The following ARL10 variants were observed in gnomAD, a reference collection of about 807,000 sequenced individuals.
ARL10 encodes the protein ADP-ribosylation factor-like protein 10.
ARL10 carries 23 observed loss-of-function variants against 26.1 expected under a neutral mutation model. The ratio of observed to expected loss-of-function variants is 0.88; its 90% CI spans 0.63 to 1.25. The LOEUF (loss-of-function observed/expected upper bound fraction) is 1.25, where lower values mean the gene tolerates loss of function less well. Ranked by LOEUF, ARL10 falls within the 50% of genes most tolerant of loss-of-function variation. The pLI is 0.00. For synonymous variants in ARL10, 138 were observed against 149.1 expected, an observed-to-expected ratio of 0.93 and a Z score of 0.54; for missense variants, 300 against 323.6, an observed-to-expected ratio of 0.93 and a Z score of 0.56.
chr5:176,366,423 A>G lies in ARL10; in HGVS notation c.227A>G (p.Glu76Gly). 6.2e-7 allele frequency: 1 copy of G among 1,612,618 alleles called. No homozygotes were observed. The highest frequency in any genetic ancestry group is 8.5e-7 in the Non-Finnish European group (1 of 1,179,808). The change falls in exon 2 of 4, where the codon GAA becomes GGA. Residue 76 changes from glutamate (E) to glycine (G), a missense_variant. By Grantham distance (98) the Glu-to-Gly change is moderately conservative (BLOSUM62 -2). Coordinates refer to ENST00000310389, the MANE Select transcript of ARL10 (RefSeq NM_173664.6). ...GAGGAGCCGGCGCTGGAGGAGCTGG[A>G]ACAGCGCGAGGTGCTGGTGCTGGGG... The part of the protein sequence containing the change: ...EDEEPALEEL[E>G]QREVLVLGLD...
chr5:176,403,456 TG>T (rs1486448133), downstream of ARL10, among the ~76,000 whole-genome samples: 4 of 144,412 alleles, frequency 2.8e-5, no homozygotes, highest in South Asian at 2.3e-4. Flanking sequence ...TTTTTTGTTT[TG>T]TTTTTTTTCT....
downstream of ARL10, chr5:176,406,748 C>A: frequency 7.9e-7 from 1 of 1,262,308 alleles, no homozygotes; most frequent in Non-Finnish European, 1.0e-6. Flanking sequence ...AAAGCTCTGT[C>A]TGGGATCCTT....
At chr5:176,409,499 C>T in the ARL10 span, among the ~76,000 whole-genome samples, 1 of 149,702 alleles carries the variant, frequency 6.7e-6, no homozygotes, top group Non-Finnish European at 1.5e-5. Flanking sequence ...CTGCAACCTC[C>T]ACCTTCTGGG....
chr5:176,394,852 T>A (rs979630053), intron 1 of ARL10, among the ~76,000 whole-genome samples: 1 of 151,574 alleles, frequency 6.6e-6, no homozygotes, highest in African/African-American at 2.4e-5. Context: ...TGGTCTATAC[T>A]CTCTCTTCAG....
intron 1 of ARL10, among the ~76,000 whole-genome samples, chr5:176,400,987 G>A (rs1241259174): frequency 4.7e-4 from 71 of 152,202 alleles, no homozygotes; most frequent in Admixed American, 4.6e-3. Flanking sequence ...GGCAGGCCAG[G>A]ACAGGGGTGC....
chr5:176,365,553 C>T lies in ARL10; in HGVS notation c.-11C>T. 8.1e-7 allele frequency: 1 copy of T among 1,229,794 alleles called. No individual in the cohort carries two copies. Among genetic ancestry groups the T allele is most frequent in the Non-Finnish European group, 1.0e-6 (1 of 986,600 alleles). The allele number at this position is 1,229,794 out of a possible 1,614,324, so 76.2% of individuals were successfully genotyped here. A position where few individuals can be genotyped will look rare whatever the true frequency, so the allele number is the denominator to read the frequency against. The stretch of plus-strand genomic sequence containing the variant: ...CTGTGCAACCCGCACCTGCGTCCCT[C>T]GCCCGGCCCGATGGCGCCGCGGCCG... On this transcript the variant is annotated 5_prime_UTR_variant, in exon 1 of 4. Transcript: ENST00000310389.
At chr5:176,388,287 T>A in intron 1 of ARL10, 5 of 1,614,164 alleles carry the variant, frequency 3.1e-6, no homozygotes, top group Non-Finnish European at 4.2e-6. Flanking sequence ...CAACCCCATC[T>A]CGGCCAGGTT....
chr5:176,398,233 T>G (rs531482456), intron 1 of ARL10, among the ~76,000 whole-genome samples: 1 of 152,308 alleles, frequency 6.6e-6, no homozygotes, highest in South Asian at 2.1e-4. Flanking sequence ...CCGCCACCTG[T>G]GTGACTGCGG....
chr5:176,388,381 G>A (rs758108765), exon 2 of ARL10: 1 of 1,612,620 alleles, frequency 6.2e-7, no homozygotes, highest in South Asian at 1.1e-5. Flanking sequence ...CCGTCATCTC[G>A]CGGACCGTCC....
chr5:176,403,348 C>A (rs1581435292), downstream of ARL10, among the ~76,000 whole-genome samples: 2 of 144,194 alleles, frequency 1.4e-5, no homozygotes, highest in East Asian at 1.9e-4. Context: ...CTGCGCCTGG[C>A]CAAGCCTGCC....
intron 3 of ARL10, among the ~76,000 whole-genome samples, chr5:176,371,307 C>T (rs1047032950): frequency 6.6e-6 from 1 of 152,224 alleles, no homozygotes; most frequent in Non-Finnish European, 1.5e-5. Context: ...GATTCCACCA[C>T]AGGAGGTGGA....
chr5:176,366,334 C>T, intron 1 of ARL10, 46 bp from the exon 2 acceptor site: 4 of 1,557,124 alleles, frequency 2.6e-6, no homozygotes, highest in Non-Finnish European at 3.5e-6. Flanking sequence ...CGGGAAAGGT[C>T]CTTCGGGAGG....
chr5:176,389,584 C>T (rs542927423), downstream of ARL10: 68 of 1,409,030 alleles, frequency 4.8e-5, no homozygotes, highest in Middle Eastern at 2.0e-3. Flanking sequence ...CTTACTCCCT[C>T]CTCTCCTTTG....
downstream of ARL10, among the ~76,000 whole-genome samples, chr5:176,403,854 G>A (rs1430170507): frequency 2.0e-5 from 3 of 152,134 alleles, no homozygotes; most frequent in African/African-American, 2.4e-5. Context: ...CCGCCTTTCC[G>A]GGTTTGAGAG....
chr5:176,407,242 T>C, the ARL10 span, among the ~76,000 whole-genome samples: 1 of 152,200 alleles, frequency 6.6e-6, no homozygotes, highest in Admixed American at 6.5e-5. Flanking sequence ...CATTCACCAC[T>C]TCACCTCTCT....
rs1343002614 is a variant in ARL10, at chr5:176,379,431, A to G, written c.*7536A>G. Reference sequence around the variant, plus strand: ...TGATCCACCCGCCTCGGCCTCCCAAAGTGCTGGGTCAACTATGTTCTTGAG... The same window carrying G: ...TGATCCACCCGCCTCGGCCTCCCAAGGTGCTGGGTCAACTATGTTCTTGAG... On this transcript the variant is annotated 3_prime_UTR_variant, in exon 4 of 4. Transcript: ENST00000310389. The G allele has an allele frequency of 6.6e-6, 1 of 152,138 alleles. No individual in the cohort carries two copies. The highest frequency in any genetic ancestry group is 1.5e-5 in the Non-Finnish European group (1 of 68,040). 9.4% of individuals were successfully genotyped at this position (152,138 alleles called of 1,614,324 possible).
At chr5:176,408,809 C>T in the ARL10 span, among the ~76,000 whole-genome samples, 10 of 152,212 alleles carry the variant, frequency 6.6e-5, no homozygotes, top group African/African-American at 2.2e-4. Context: ...CGTAAGCCGC[C>T]GTGCCCGGCT....
chr5:176,365,998 G>A (rs1309797460), intron 1 of ARL10, among the ~76,000 whole-genome samples: 1 of 152,218 alleles, frequency 6.6e-6, no homozygotes, highest in African/African-American at 2.4e-5. Flanking sequence ...TGAGGCTCGG[G>A]TGTTCCAGCG....
intron 1 of ARL10, among the ~76,000 whole-genome samples, chr5:176,394,509 T>TA (rs1165524369): frequency 6.6e-6 from 1 of 151,660 alleles, no homozygotes; most frequent in Non-Finnish European, 1.5e-5. Context: ...CCATCTCTAC[T>TA]AAAAATACAA....
Sources: allele counts gnomAD v4.1 joint callset (sites outside exome capture counted in the v4.1 genomes callset), GRCh38; gene constraint gnomAD v4.1.1; transcripts MANE v1.5; gene names NCBI Gene and HGNC (gene_info 2026-07-23, HGNC 2026-07-21).